The following STX6 variants were observed in gnomAD, a reference collection of about 807,000 sequenced individuals.
The protein encoded by STX6 is syntaxin-6.
STX6 carries 23 observed loss-of-function variants against 38.0 expected under a neutral mutation model. That is an observed-to-expected ratio of 0.60 (90% CI 0.43 to 0.86). STX6 has a LOEUF of 0.86. STX6 is among the 40% of genes least tolerant of loss of function. The pLI, the probability that STX6 is intolerant of heterozygous loss-of-function variation, is 0.00. For missense variants in STX6, 274 were observed against 312.9 expected, an observed-to-expected ratio of 0.88 and a Z score of 0.94; for synonymous variants, 123 against 107.5, an observed-to-expected ratio of 1.14 and a Z score of -0.89.
chr1:181,009,130 G>T (rs1656320993), intron 1 of STX6, among the ~76,000 whole-genome samples: 1 of 152,018 alleles, frequency 6.6e-6, no homozygotes, highest in Admixed American at 6.6e-5. Context: ...GACATATCCA[G>T]AATATATATT....
intron 1 of STX6, among the ~76,000 whole-genome samples, chr1:181,017,282 A>G (rs1656588797): frequency 6.7e-6 from 1 of 150,116 alleles, no homozygotes; most frequent in African/African-American, 2.5e-5. Flanking sequence ...AGTCCCAGCT[A>G]CTCAGGAGGC....
chr1:180,975,206 CAA>C lies in STX6; in HGVS notation c.*1362_*1363del, dbSNP rs2102296049. 1 of 152,672 alleles carries C rather than the reference CAA, an allele frequency of 6.5e-6. No homozygotes were observed. The highest frequency in any genetic ancestry group is 2.4e-5 in the African/African-American group (1 of 41,550). The allele number at this position is 152,672 out of a possible 1,614,324, so 9.5% of individuals were successfully genotyped here. On this transcript the variant is annotated 3_prime_UTR_variant, in exon 8 of 8. Coordinates refer to ENST00000258301, the MANE Select transcript of STX6 (RefSeq NM_005819.6). ...CAGATGTTGCTGTTCTTTCCAAGTG[CAA>C]AAGAAGGTGGTGAGGAGAGACCAGC...
In STX6 at chr1:180,974,495, C is replaced by T. The variant is rs564772532; in HGVS notation, c.*2075G>A. ...TACTCATTAATGACTAGGTTTGTTC[C>T]AAACGGCCCCTGCTGACACACATGA... On this transcript the variant is annotated 3_prime_UTR_variant, in exon 8 of 8. Coordinates refer to ENST00000258301, the MANE Select transcript of STX6 (RefSeq NM_005819.6). 5.0e-4 allele frequency: 77 copies of T among 152,730 alleles called. No individual in the cohort carries two copies. Among genetic ancestry groups the T allele is most frequent in the African/African-American group, 1.8e-3 (75 of 41,558 alleles). The allele number at this position is 152,730 out of a possible 1,614,324, so 9.5% of individuals were successfully genotyped here. A position where few individuals can be genotyped will look rare whatever the true frequency, so the allele number is the denominator to read the frequency against.
chr1:181,014,833 T>C (rs184783825), intron 1 of STX6, among the ~76,000 whole-genome samples: 9 of 152,368 alleles, frequency 5.9e-5, no homozygotes, highest in African/African-American at 1.9e-4. Flanking sequence ...TCAACCACAC[T>C]GTGACATATT....
At chr1:180,981,639 T>C (rs527648103) in intron 7 of STX6, among the ~76,000 whole-genome samples, 1 of 152,258 alleles carries the variant, frequency 6.6e-6, no homozygotes, top group South Asian at 2.1e-4. Context: ...AAGTAGGAAT[T>C]TTCACCAAGG....
intron 3 of STX6, among the ~76,000 whole-genome samples, chr1:180,994,975 T>A (rs1174050330): frequency 6.6e-6 from 1 of 151,984 alleles, no homozygotes; most frequent in African/African-American, 2.4e-5. Context: ...AAAATTTTTT[T>A]TTTTTTTTGA....
chr1:181,009,992 C>T (rs188321339), intron 1 of STX6, among the ~76,000 whole-genome samples: 7 of 152,304 alleles, frequency 4.6e-5, no homozygotes, highest in Admixed American at 6.5e-5. Context: ...ACGTACTATA[C>T]GATTTCACTG....
intron 1 of STX6, among the ~76,000 whole-genome samples, chr1:181,019,855 T>C (rs1159705581): frequency 3.3e-5 from 5 of 152,316 alleles, no homozygotes; most frequent in East Asian, 1.9e-4. Flanking sequence ...CTTTTATGTA[T>C]GTTTGGAACA....
rs1474069677 is a variant in STX6, at chr1:181,022,868, A to G, written c.-195T>C. ...GCACTCGCTCAGCACCACTGGCCGA[A>G]TCCCGGACTCGGGCGCCGGCCCCCT... On this transcript the variant is annotated 5_prime_UTR_variant, in exon 1 of 8. Transcript: ENST00000258301. 3 of 554,470 alleles carry G rather than the reference A, an allele frequency of 5.4e-6. No individual in the cohort carries two copies. Among genetic ancestry groups the G allele is most frequent in the Non-Finnish European group, 9.4e-6 (3 of 320,274 alleles). The allele number at this position is 554,470 out of a possible 1,614,324, so 34.3% of individuals were successfully genotyped here.
chr1:180,977,779 T>C (rs1655297249), intron 7 of STX6, among the ~76,000 whole-genome samples: 1 of 152,234 alleles, frequency 6.6e-6, no homozygotes, highest in Non-Finnish European at 1.5e-5. Context: ...GATCTCAATC[T>C]ATGAAAATAA....
intron 3 of STX6, 134 bp downstream of exon 3, chr1:181,002,472 T>G: frequency 1.7e-6 from 1 of 578,648 alleles, no homozygotes; most frequent in East Asian, 3.2e-5. Flanking sequence ...AAATTATATA[T>G]GGGGAAGCTC....
intron 3 of STX6, among the ~76,000 whole-genome samples, chr1:180,995,296 T>C (rs1314764258): frequency 6.6e-6 from 1 of 152,096 alleles, no homozygotes; most frequent in Admixed American, 6.5e-5. Flanking sequence ...CCTAGGCCCC[T>C]ATGAGACCTA....
At chr1:180,992,656 A>T (rs1164708396) in intron 4 of STX6, among the ~76,000 whole-genome samples, 1 of 152,218 alleles carries the variant, frequency 6.6e-6, no homozygotes, top group African/African-American at 2.4e-5. Context: ...CCACCAAAAA[A>T]AGTCTAAATC....
Position 181,002,628 on chromosome 1 carries a change from G to C in STX6, c.278C>G (p.Thr93Arg), listed in dbSNP as rs1233249659. 1 of 1,613,272 alleles carries C rather than the reference G, an allele frequency of 6.2e-7. No homozygotes were observed. Reference sequence around the variant, plus strand: ...TACCCTGACAACTTGCCGAGTACTTGTAATGAAGGCTTTTCTTATACTCAA... The same window carrying C: ...TACCCTGACAACTTGCCGAGTACTTCTAATGAAGGCTTTTCTTATACTCAA... ...TELSIRKAFI[T>R]STRQVVRDMK... Residue 93 changes from threonine to arginine, a missense_variant, in exon 3 of 8, where the codon ACA becomes AGA. Physicochemically the swap from Thr to Arg is moderately conservative, Grantham distance 71. Coordinates refer to ENST00000258301, the MANE Select transcript of STX6 (RefSeq NM_005819.6).
intron 7 of STX6, among the ~76,000 whole-genome samples, chr1:180,982,337 G>C (rs566373008): frequency 6.6e-6 from 1 of 152,298 alleles, no homozygotes; most frequent in South Asian, 2.1e-4. Context: ...GGTCCTTAGG[G>C]AGTATTTCTT....
Position 181,002,628 on chromosome 1 carries a change from G to A in STX6, c.278C>T (p.Thr93Ile). The change falls in exon 3 of 8, where the codon ACA (threonine) becomes ATA (isoleucine). Residue 93 changes from threonine (T) to isoleucine (I), a missense_variant. Thr to Ile is a moderately conservative substitution (Grantham distance 89). Coordinates refer to ENST00000258301, the MANE Select transcript of STX6 (RefSeq NM_005819.6). Reference sequence around the variant, plus strand: ...TACCCTGACAACTTGCCGAGTACTTGTAATGAAGGCTTTTCTTATACTCAA... The same window carrying A: ...TACCCTGACAACTTGCCGAGTACTTATAATGAAGGCTTTTCTTATACTCAA... ...TELSIRKAFI[T>I]STRQVVRDMK... 3.1e-6 allele frequency: 5 copies of A among 1,613,272 alleles called. No homozygotes were observed. The highest frequency in any genetic ancestry group is 2.2e-5 in the East Asian group (1 of 44,858).
intron 3 of STX6, among the ~76,000 whole-genome samples, chr1:181,001,505 T>C (rs1233641420): frequency 6.6e-6 from 1 of 152,262 alleles, no homozygotes; most frequent in African/African-American, 2.4e-5. Flanking sequence ...ATCAATTTTT[T>C]ACACTCTGAT....
chr1:180,980,475 A>G (rs1251186093), intron 7 of STX6: 1 of 150,132 alleles, frequency 6.7e-6, no homozygotes, highest in Non-Finnish European at 1.5e-5. Context: ...TACCATAACC[A>G]TTCAGCAACC....
intron 5 of STX6, chr1:180,988,608 T>C (rs1233929488): frequency 2.8e-6 from 1 of 356,980 alleles, no homozygotes; most frequent in African/African-American, 2.1e-5. Context: ...TTACTCTGGT[T>C]GGCTGACGTC....
Sources: allele counts gnomAD v4.1 joint callset (sites outside exome capture counted in the v4.1 genomes callset), GRCh38; gene constraint gnomAD v4.1.1; transcripts MANE v1.5; gene names NCBI Gene and HGNC (gene_info 2026-07-23, HGNC 2026-07-21).